Variants in TMEM179 observed in about 807,000 individuals in gnomAD.
TMEM179 encodes transmembrane protein 179.
A neutral mutation model predicts 22.2 loss-of-function variants in TMEM179; 17 were observed. The ratio of observed to expected loss-of-function variants is 0.77; its 90% CI spans 0.52 to 1.15. The LOEUF (loss-of-function observed/expected upper bound fraction) is 1.15, where lower values mean the gene tolerates loss of function less well. Ranked by LOEUF, TMEM179 falls within the 50% of genes most tolerant of loss-of-function variation. The pLI is 0.00. For missense variants in TMEM179, 265 were observed against 313.6 expected (o/e 0.84, Z 1.17); for synonymous variants, 127 against 140.5 (o/e 0.90, Z 0.68).
chr14:104,593,323 G>A lies in TMEM179; in HGVS notation c.*156C>T, dbSNP rs1210519434. ...CTGCCAGGCTCACAGGTGGGCACTG[G>A]GGCGCTCACCTCACTACACGTGGCG... On this transcript the variant is annotated 3_prime_UTR_variant, in exon 4 of 4. Coordinates refer to ENST00000556573, the MANE Select transcript of TMEM179 (RefSeq NM_001286389.2). 6 of 860,474 alleles carry A rather than the reference G, an allele frequency of 7.0e-6. No individual in the cohort carries two copies. The highest frequency in any genetic ancestry group is 4.9e-5 in the Admixed American group (2 of 41,110). The allele number at this position is 860,474 out of a possible 1,614,324, so 53.3% of individuals were successfully genotyped here.
At chr14:104,599,462 C>T (rs1162714258) in intron 1 of TMEM179, among the ~76,000 whole-genome samples, 5 of 152,198 alleles carry the variant, frequency 3.3e-5, no homozygotes, top group African/African-American at 1.2e-4. Context: ...CCATGAACCC[C>T]ACCACTTCAT....
Position 104,597,182 on chromosome 14 carries a change from C to A in TMEM179, c.306-55G>T. On this transcript the variant is annotated intron_variant, in intron 1 of 3. Transcript: ENST00000556573. The surrounding 1 kb of genome is among the most constrained non-coding windows in gnomAD (Gnocchi z 4.8). ...ACTGGACACCACCTCCCAGGCGACC[C>A]CCGCCCCCAGGCTGCAGCCAGAAAC... The A allele has an allele frequency of 6.5e-7, 1 of 1,527,152 alleles. No individual in the cohort carries two copies. 94.6% of individuals were successfully genotyped at this position (1,527,152 alleles called of 1,614,324 possible). A position where few individuals can be genotyped will look rare whatever the true frequency, so the allele number is the denominator to read the frequency against.
In TMEM179 at chr14:104,597,853, G is replaced by A. The variant is rs1326147748; in HGVS notation, c.306-726C>T. 1.3e-5 allele frequency among the ~76,000 whole-genome samples: 2 copies of A among 152,210 alleles called. No homozygotes were observed. Among genetic ancestry groups the A allele is most frequent in the East Asian group, 1.9e-4 (1 of 5,200 alleles). ...ACCCCTGGTAGGACTTGCTTGATGGGCCAGCTCTGATTTATCCATTTAAAC... is the reference window on the plus strand; with the variant it reads ...ACCCCTGGTAGGACTTGCTTGATGGACCAGCTCTGATTTATCCATTTAAAC... On this transcript the variant is annotated intron_variant, in intron 1 of 3. Transcript: ENST00000556573. This position sits in a 1 kb window ranked among gnomAD's most constrained non-coding sequence, Gnocchi z 4.8.
Position 104,591,491 on chromosome 14 carries a change from C to A in TMEM179, c.*1988G>T, listed in dbSNP as rs552324965. ...GGGACCCCATCAGCTTAGGGGGCCT[C>A]GGATTCTGTCCAAACCCCTTCCCTC... is the stretch of plus-strand genomic sequence containing the variant. On this transcript the variant is annotated 3_prime_UTR_variant, in exon 4 of 4. Coordinates refer to ENST00000556573, the MANE Select transcript of TMEM179 (RefSeq NM_001286389.2). 1.2e-4 allele frequency: 54 copies of A among 448,518 alleles called. No individual in the cohort carries two copies. The Admixed American group carries it at 1.3e-3, about 11-fold the overall frequency. The allele number at this position is 448,518 out of a possible 1,614,324, so 27.8% of individuals were successfully genotyped here.
Position 104,593,462 on chromosome 14 carries a change from C to A in TMEM179, c.*17G>T. On this transcript the variant is annotated 3_prime_UTR_variant, in exon 4 of 4. Coordinates refer to ENST00000556573, the MANE Select transcript of TMEM179 (RefSeq NM_001286389.2). Reference sequence around the variant, plus strand: ...CAGCAGGGAGGTCGGGGCCAGCTCCCCCTGCCTGCACTGTGCCTAAATGAC... The same window carrying A: ...CAGCAGGGAGGTCGGGGCCAGCTCCACCTGCCTGCACTGTGCCTAAATGAC... The A allele has an allele frequency of 6.5e-7, 1 of 1,535,970 alleles. No homozygotes were observed. Among genetic ancestry groups the A allele is most frequent in the East Asian group, 2.4e-5 (1 of 40,900 alleles).
chr14:104,594,636 C>T (rs1010407428), intron 3 of TMEM179: 2 of 1,225,238 alleles, frequency 1.6e-6, no homozygotes, highest in African/African-American at 1.6e-5. Context: ...TCCACCAAGT[C>T]TCCTAGGGGG....
chr14:104,593,546 T>G lies in TMEM179; in HGVS notation c.635A>C (p.Lys212Thr). ...EDLLDSLIHE[K>T]ELLLARPSPR... ...GGACGGCCGGGCCAGCAGCAGCTCC[T>G]TCTCGTGGATCAGGCTGTCCAGCAG... Residue 212 changes from lysine (K) to threonine (T), a missense_variant, in exon 4 of 4, where the codon AAG (lysine) becomes ACG (threonine). Coordinates refer to ENST00000556573, the MANE Select transcript of TMEM179 (RefSeq NM_001286389.2). The G allele has an allele frequency of 6.5e-7, 1 of 1,535,092 alleles. No individual in the cohort carries two copies. Among genetic ancestry groups the G allele is most frequent in the Non-Finnish European group, 8.7e-7 (1 of 1,146,176 alleles).
In TMEM179 at chr14:104,592,048, G is replaced by A. The variant is rs1019529425; in HGVS notation, c.*1431C>T. 5 of 154,646 alleles carry A rather than the reference G, an allele frequency of 3.2e-5. No individual in the cohort carries two copies. The highest frequency in any genetic ancestry group is 1.2e-4 in the African/African-American group (5 of 41,450). 9.6% of individuals were successfully genotyped at this position (154,646 alleles called of 1,614,324 possible). A position where few individuals can be genotyped will look rare whatever the true frequency, so the allele number is the denominator to read the frequency against. ...CCTCAGCACACAGACTCTGCAGAATGGGAAGGCAGCTCCCTCCTCTCTCAG... is the reference window on the plus strand; with the variant it reads ...CCTCAGCACACAGACTCTGCAGAATAGGAAGGCAGCTCCCTCCTCTCTCAG... On this transcript the variant is annotated 3_prime_UTR_variant, in exon 4 of 4. Coordinates refer to ENST00000556573, the MANE Select transcript of TMEM179 (RefSeq NM_001286389.2).
In TMEM179 at chr14:104,593,527, C is replaced by T; in HGVS notation, c.654G>A (p.Arg218=). 6.5e-7 allele frequency: 1 copy of T among 1,535,558 alleles called. No individual in the cohort carries two copies. ...LIHEKELLLA[R]PSPRTSFQEE... ...CTTGGAAGGAGGTGCGTGGGGACGG[C>T]CGGGCCAGCAGCAGCTCCTTCTCGT... is the stretch of plus-strand genomic sequence containing the variant. The change falls in exon 4 of 4, where the codon CGG becomes CGA. Residue 218 remains arginine (R), a synonymous_variant. Transcript: ENST00000556573.
At chr14:104,602,429 G>C (rs983115592) in intron 1 of TMEM179, among the ~76,000 whole-genome samples, 1 of 152,094 alleles carries the variant, frequency 6.6e-6, no homozygotes, top group African/African-American at 2.4e-5. Context: ...ACCAACTGTG[G>C]CCCCACCTGG....
intron 3 of TMEM179, chr14:104,594,735 T>G: frequency 8.8e-7 from 1 of 1,140,562 alleles, no homozygotes; most frequent in Non-Finnish European, 1.1e-6. Context: ...CTGTATCAGC[T>G]TCCCCCTGGC....
chr14:104,591,023 G>A lies in TMEM179; in HGVS notation c.*2456C>T, dbSNP rs369511369. On this transcript the variant is annotated 3_prime_UTR_variant, in exon 4 of 4. Transcript: ENST00000556573. ...GCCTGCACTTCCCACCTTCCTGCCT[G>A]GGGAGAGGCCCAATCCCCTGAGGGA... 2.0e-5 allele frequency: 4 copies of A among 204,508 alleles called. No individual in the cohort carries two copies. Among genetic ancestry groups the A allele is most frequent in the African/African-American group, 7.2e-5 (3 of 41,788 alleles). The allele number at this position is 204,508 out of a possible 1,614,324, so 12.7% of individuals were successfully genotyped here.
rs368802867 is a variant in TMEM179 at position 104,597,084 on chromosome 14, C to G, written c.349G>C (p.Val117Leu). ...AFLNLLVSAF[V>L]VFLVFIASTI... ...CTGGCAATGAAGACCAGGAAGACCACGAAGGCGCTGACCAGGAGGTTCAGG... is the reference window on the plus strand; with the variant it reads ...CTGGCAATGAAGACCAGGAAGACCAGGAAGGCGCTGACCAGGAGGTTCAGG... The change falls in exon 2 of 4, where the codon GTG becomes CTG. Residue 117 changes from valine to leucine, a missense_variant. Coordinates refer to ENST00000556573, the MANE Select transcript of TMEM179 (RefSeq NM_001286389.2). This position sits in a 1 kb window ranked among gnomAD's most constrained non-coding sequence, Gnocchi z 4.8. 3 of 1,607,058 alleles carry G rather than the reference C, an allele frequency of 1.9e-6. No homozygotes were observed. The highest frequency in any genetic ancestry group is 2.5e-6 in the Non-Finnish European group (3 of 1,177,504).
intron 3 of TMEM179, chr14:104,593,935 C>T (rs1444691242): frequency 2.4e-5 from 21 of 889,534 alleles, no homozygotes; most frequent in Non-Finnish European, 3.0e-5. Flanking sequence ...ACCCTCACTC[C>T]AGGCCGGCCA....
chr14:104,594,712 C>G, intron 3 of TMEM179: 1 of 1,162,594 alleles, frequency 8.6e-7, no homozygotes, highest in Admixed American at 4.6e-5. Flanking sequence ...TCCCCTGCCT[C>G]CTTCCTTGGA....
Position 104,592,004 on chromosome 14 carries a change from T to C in TMEM179, c.*1475A>G. On this transcript the variant is annotated 3_prime_UTR_variant, in exon 4 of 4. Transcript: ENST00000556573. ...GGTCCCAGGTTCACATCCCAGCTCC[T>C]CCACTTGCTTCTGCGGGGCCTCAGC... is the stretch of plus-strand genomic sequence containing the variant. 1 of 156,162 alleles carries C rather than the reference T, an allele frequency of 6.4e-6. No homozygotes were observed. The highest frequency in any genetic ancestry group is 6.1e-5 in the Admixed American group (1 of 16,330). The allele number at this position is 156,162 out of a possible 1,614,324, so 9.7% of individuals were successfully genotyped here.
At chr14:104,603,979 G>A (rs1274444175) in intron 1 of TMEM179, among the ~76,000 whole-genome samples, 3 of 152,220 alleles carry the variant, frequency 2.0e-5, no homozygotes, top group Non-Finnish European at 4.4e-5. Context: ...GCCATCTGCC[G>A]TCCCTTTCCC....
chr14:104,596,995 G>A lies in TMEM179; in HGVS notation c.438C>T (p.Pro146=). 1 of 1,604,554 alleles carries A rather than the reference G, an allele frequency of 6.2e-7. No homozygotes were observed. The highest frequency in any genetic ancestry group is 8.5e-7 in the Non-Finnish European group (1 of 1,178,322). ...GGCGGGTGGGGCGGGCGCACCTGTG[G>A]GGTACGGTGCCCTTCTCGGTGATGG... ...CDTITEKGTV[P]HSCEELQDID... is the part of the protein sequence containing the mutation. The change falls in exon 2 of 4, where the codon CCC becomes CCT. Residue 146 remains proline (P), a synonymous_variant. Coordinates refer to ENST00000556573, the MANE Select transcript of TMEM179 (RefSeq NM_001286389.2).
Position 104,597,262 on chromosome 14 carries a change from C to T in TMEM179, c.306-135G>A. ...CCTGGGCAACCCCCACCAGCAGCAC[C>T]CCCCGGACCCTCAGGATTCCTGGGT... On this transcript the variant is annotated intron_variant, in intron 1 of 3. Coordinates refer to ENST00000556573, the MANE Select transcript of TMEM179 (RefSeq NM_001286389.2). The surrounding 1 kb of genome is among the most constrained non-coding windows in gnomAD (Gnocchi z 4.8). The T allele has an allele frequency of 9.7e-6, 12 of 1,233,322 alleles. No individual in the cohort carries two copies. The highest frequency in any genetic ancestry group is 9.9e-6 in the Non-Finnish European group (9 of 910,616). The allele number at this position is 1,233,322 out of a possible 1,614,324, so 76.4% of individuals were successfully genotyped here. A position where few individuals can be genotyped will look rare whatever the true frequency, so the allele number is the denominator to read the frequency against.
Sources: allele counts gnomAD v4.1 joint callset (sites outside exome capture counted in the v4.1 genomes callset), GRCh38; gene constraint gnomAD v4.1.1; non-coding constraint Gnocchi (gnomAD v3.1); transcripts MANE v1.5; gene names NCBI Gene and HGNC (gene_info 2026-07-23, HGNC 2026-07-21).